The following LRFN2 variants were observed in gnomAD, a reference collection of about 807,000 sequenced individuals.
LRFN2 encodes the protein leucine-rich repeat and fibronectin type-III domain-containing protein 2.
LRFN2 carries 18 observed loss-of-function variants against 37.3 expected under a neutral mutation model. The ratio of observed to expected loss-of-function variants is 0.48; its 90% CI spans 0.33 to 0.72. LRFN2 has a LOEUF of 0.72. Ranked by LOEUF, LRFN2 falls within the 30% of genes least tolerant of loss-of-function variation. LRFN2 has a pLI of 0.02. For synonymous variants in LRFN2, 556 were observed against 466.6 expected (o/e 1.19, Z -2.47); for missense variants, 1,006 against 1,060.7 (o/e 0.95, Z 0.72).
intron 1 of LRFN2, among the ~76,000 whole-genome samples, chr6:40,484,486 G>A (rs1267596347): frequency 6.6e-6 from 1 of 152,166 alleles, no homozygotes; most frequent in Admixed American, 6.5e-5. Context: ...TCACCCAGGG[G>A]ACCCCAGAGA....
intron 1 of LRFN2, among the ~76,000 whole-genome samples, chr6:40,577,789 AAAT>A (rs1330778855): frequency 9.4e-5 from 4 of 42,476 alleles, no homozygotes; most frequent in Admixed American, 5.3e-4. Context: ...AAAAAGGAAA[AAAT>A]AAATAAATAA....
intron 1 of LRFN2, chr6:40,523,803 A>G (rs1356450840): frequency 6.6e-6 from 1 of 152,054 alleles, no homozygotes; most frequent in African/African-American, 2.4e-5. Context: ...AGGAATGCCA[A>G]CCCCAGGTCT....
At chr6:40,563,898 T>C (rs1561909296) in intron 1 of LRFN2, among the ~76,000 whole-genome samples, 1 of 152,204 alleles carries the variant, frequency 6.6e-6, no homozygotes, top group Non-Finnish European at 1.5e-5. Context: ...AGACCTTGTG[T>C]GCCCACAAGG....
At position 40,432,293 on chromosome 6, in the gene LRFN2, C is replaced by T. The variant is rs558275173; in HGVS notation, c.821G>A (p.Arg274His). The change falls in exon 2 of 3, where the codon CGC (arginine) becomes CAC (histidine). Residue 274 changes from arginine to histidine, a missense_variant. This residue lies in a region of LRFN2 where 303 missense variants were observed against 299.8 expected (regional missense o/e 1.01). Coordinates refer to ENST00000338305, the MANE Select transcript of LRFN2 (RefSeq NM_020737.3). ...TCGSPGGLKG[R>H]YFWHVREEEF... is the part of the protein sequence containing the mutation. ...CTCCTCACGCACATGCCAGAAGTAG[C>T]GACCCTTGAGGCCCCCTGGGGAGCC... 1.9e-5 allele frequency: 31 copies of T among 1,614,080 alleles called. No individual in the cohort carries two copies. The East Asian group carries it at 4.0e-4, about 21-fold the overall frequency.
intron 1 of LRFN2, among the ~76,000 whole-genome samples, chr6:40,522,748 G>C (rs912980541): frequency 1.2e-4 from 18 of 152,170 alleles, no homozygotes; most frequent in Admixed American, 7.9e-4. Flanking sequence ...AAAAGCACTA[G>C]CTTAGAACCA....
Position 40,432,802 on chromosome 6 carries a change from G to C in LRFN2, c.312C>G (p.Ser104=), listed in dbSNP as rs150510241. The change falls in exon 2 of 3, where the codon TCC becomes TCG. Residue 104 remains serine, a synonymous_variant. Coordinates refer to ENST00000338305, the MANE Select transcript of LRFN2 (RefSeq NM_020737.3). ...FSFLDLESLR[S]LHLDSNRLPS... ...GCAGCCGATTGCTGTCAAGATGCAG[G>C]GAGCGGAGGCTCTCGAGGTCCAGAA... 17 of 1,614,110 alleles carry C rather than the reference G, an allele frequency of 1.1e-5. No homozygotes were observed. Among genetic ancestry groups the C allele is most frequent in the Non-Finnish European group, 1.4e-5 (17 of 1,180,062 alleles).
intron 1 of LRFN2, among the ~76,000 whole-genome samples, chr6:40,500,170 C>T (rs1281860915): frequency 1.3e-5 from 2 of 151,914 alleles, no homozygotes; most frequent in African/African-American, 2.4e-5. Context: ...CACAGGTTCT[C>T]CCCGGAGACC....
At chr6:40,569,461 T>C (rs1486869579) in intron 1 of LRFN2, among the ~76,000 whole-genome samples, 1 of 152,166 alleles carries the variant, frequency 6.6e-6, no homozygotes, top group Non-Finnish European at 1.5e-5. Flanking sequence ...GAAGTCTGGC[T>C]TAGAAACCAG....
Position 40,432,392 on chromosome 6 carries a change from C to A in LRFN2, c.722G>T (p.Gly241Val). ...FAPPLSFSFG[G>V]NPLHCNCELL... ...CTCACAATTGCAGTGAAGTGGGTTA[C>A]CCCCAAAACTAAAGGACAAGGGTGG... The change falls in exon 2 of 3, where the codon GGT (glycine) becomes GTT (valine). Residue 241 changes from glycine to valine, a missense_variant. Gly to Val is a moderately radical substitution (Grantham distance 109). Transcript: ENST00000338305. 2 of 1,614,116 alleles carry A rather than the reference C, an allele frequency of 1.2e-6. No homozygotes were observed. The highest frequency in any genetic ancestry group is 1.7e-6 in the Non-Finnish European group (2 of 1,180,044).
At chr6:40,441,687 G>A (rs892471811) in intron 1 of LRFN2, among the ~76,000 whole-genome samples, 1 of 152,074 alleles carries the variant, frequency 6.6e-6, no homozygotes, top group African/African-American at 2.4e-5. Context: ...TAGACCTTGG[G>A]CTGCTCCTCC....
At chr6:40,469,942 C>T (rs115680070) in intron 1 of LRFN2, among the ~76,000 whole-genome samples, 2,323 of 152,344 alleles carry the variant, frequency 0.015, 62 homozygotes, top group African/African-American at 0.052. Flanking sequence ...CATCTACCCA[C>T]AGCTGGGTCC....
chr6:40,405,361 T>C (rs1481670719), intron 2 of LRFN2, among the ~76,000 whole-genome samples: 2 of 152,320 alleles, frequency 1.3e-5, no homozygotes, highest in East Asian at 3.9e-4. Context: ...TGGGCAAGTT[T>C]CTTAATCTCT....
intron 1 of LRFN2, among the ~76,000 whole-genome samples, chr6:40,521,406 A>G (rs1766065259): frequency 6.6e-6 from 1 of 152,216 alleles, no homozygotes; most frequent in African/African-American, 2.4e-5. Flanking sequence ...TTCTTTGACA[A>G]TTTGAAACAA....
chr6:40,455,764 G>T (rs150630558), intron 1 of LRFN2, among the ~76,000 whole-genome samples: 60 of 152,244 alleles, frequency 3.9e-4, no homozygotes, highest in African/African-American at 1.4e-3. Flanking sequence ...GGTGTGATGG[G>T]GTACCATTTC....
chr6:40,424,197 C>T (rs540947227), intron 2 of LRFN2, among the ~76,000 whole-genome samples: 1 of 152,194 alleles, frequency 6.6e-6, no homozygotes. Flanking sequence ...AACCAAGCTT[C>T]TCACTGGCAC....
chr6:40,559,191 A>T (rs565176523), intron 1 of LRFN2, among the ~76,000 whole-genome samples: 199 of 152,030 alleles, frequency 1.3e-3, no homozygotes, highest in African/African-American at 4.6e-3. Context: ...AGAGAGGGAG[A>T]CAGTGGGCCT....
chr6:40,526,309 C>G (rs1766253710), intron 1 of LRFN2, among the ~76,000 whole-genome samples: 2 of 152,324 alleles, frequency 1.3e-5, no homozygotes, highest in African/African-American at 4.8e-5. Context: ...GTATGCGTCA[C>G]CATTCCAAGT....
chr6:40,509,321 A>G (rs1397084603), intron 1 of LRFN2, among the ~76,000 whole-genome samples: 1 of 152,270 alleles, frequency 6.6e-6, no homozygotes, highest in Non-Finnish European at 1.5e-5. Flanking sequence ...GTGTCTAGCA[A>G]GCCTGGTTTG....
At chr6:40,414,344 C>T (rs1763047957) in intron 2 of LRFN2, among the ~76,000 whole-genome samples, 1 of 152,198 alleles carries the variant, frequency 6.6e-6, no homozygotes, top group Non-Finnish European at 1.5e-5. Context: ...AGCTGGGACA[C>T]CTCGGGCAGG....
Sources: allele counts gnomAD v4.1 joint callset (sites outside exome capture counted in the v4.1 genomes callset), GRCh38; gene constraint gnomAD v4.1.1; regional missense constraint gnomAD v4.1.1; transcripts MANE v1.5; gene names NCBI Gene and HGNC (gene_info 2026-07-23, HGNC 2026-07-21).